ATG10: variants seen among roughly 807,000 people sequenced by gnomAD.
ATG10 encodes the protein ubiquitin-like-conjugating enzyme ATG10.
Under a neutral mutation model 32.1 loss-of-function variants are expected in ATG10, and 30 were observed. The observed-to-expected ratio is 0.94, with a 90% CI of 0.70 to 1.27. The LOEUF (loss-of-function observed/expected upper bound fraction) is 1.27. Ranked by LOEUF, ATG10 falls within the 50% of genes most tolerant of loss-of-function variation. The pLI is 0.00. For missense variants in ATG10, 233 were observed against 262.3 expected, an observed-to-expected ratio of 0.89 and a Z score of 0.77; for synonymous variants, 87 against 91.5, an observed-to-expected ratio of 0.95 and a Z score of 0.28.
At chr5:82,053,546 T>G (rs933272556) in intron 2 of ATG10, among the ~76,000 whole-genome samples, 2 of 152,186 alleles carry the variant, frequency 1.3e-5, no homozygotes, top group Non-Finnish European at 2.9e-5. Flanking sequence ...TGTTCTCCTA[T>G]ATTTTCATCT....
chr5:82,239,393 A>C (rs1449153111), intron 5 of ATG10, among the ~76,000 whole-genome samples: 3 of 152,204 alleles, frequency 2.0e-5, no homozygotes, highest in African/African-American at 7.2e-5. Context: ...GAAAATAGTA[A>C]TCAGAATACT....
chr5:82,218,301 T>C (rs369759641), intron 5 of ATG10, among the ~76,000 whole-genome samples: 56 of 152,372 alleles, frequency 3.7e-4, no homozygotes, highest in African/African-American at 1.3e-3. Context: ...CTGCTACAGA[T>C]TCAAAATGCT....
intron 2 of ATG10, among the ~76,000 whole-genome samples, chr5:82,001,185 A>G (rs980282626): frequency 6.6e-6 from 1 of 152,240 alleles, no homozygotes; most frequent in African/African-American, 2.4e-5. Context: ...AAGAAATAAC[A>G]TTGTTAAAAT....
At chr5:82,172,074 A>G (rs1457640622) in intron 4 of ATG10, among the ~76,000 whole-genome samples, 1 of 152,212 alleles carries the variant, frequency 6.6e-6, no homozygotes, top group East Asian at 1.9e-4. Flanking sequence ...TTGGCTGGAC[A>G]TGGGATTTGT....
intron 3 of ATG10, among the ~76,000 whole-genome samples, chr5:82,086,018 G>A (rs929084935): frequency 6.6e-6 from 1 of 152,090 alleles, no homozygotes; most frequent in Non-Finnish European, 1.5e-5. Context: ...AAACATGTCA[G>A]TAGATGTCAA....
At chr5:82,225,756 C>T (rs1746107457) in intron 5 of ATG10, among the ~76,000 whole-genome samples, 2 of 152,042 alleles carry the variant, frequency 1.3e-5, no homozygotes, top group African/African-American at 2.4e-5. Flanking sequence ...GGCTCTCTGG[C>T]GGTCTCTGGT....
At chr5:82,021,892 G>A (rs1292526443) in intron 2 of ATG10, among the ~76,000 whole-genome samples, 1 of 151,844 alleles carries the variant, frequency 6.6e-6, no homozygotes, top group East Asian at 1.9e-4. Flanking sequence ...GCGTGGTGGC[G>A]GGCACCTGTA....
intron 3 of ATG10, among the ~76,000 whole-genome samples, chr5:82,121,810 G>A (rs1353388988): frequency 6.6e-6 from 1 of 152,094 alleles, no homozygotes; most frequent in East Asian, 1.9e-4. Context: ...CGGGGATAAA[G>A]CCTACTTGAT....
At chr5:82,074,484 A>AT (rs1764216768) in intron 3 of ATG10, among the ~76,000 whole-genome samples, 1 of 152,044 alleles carries the variant, frequency 6.6e-6, no homozygotes, top group African/African-American at 2.4e-5. Flanking sequence ...CTGAAAGGAC[A>AT]TTTTTTGGTT....
intron 2 of ATG10, among the ~76,000 whole-genome samples, chr5:82,006,354 CA>C (rs1242069114): frequency 1.3e-5 from 2 of 152,068 alleles, no homozygotes; most frequent in Non-Finnish European, 2.9e-5. Context: ...TTCAAGCATA[CA>C]AAAGTAAAGA....
chr5:82,242,987 A>G, intron 5 of ATG10: 1 of 330,030 alleles, frequency 3.0e-6, no homozygotes, highest in South Asian at 2.5e-5. Flanking sequence ...TACAGCGGAA[A>G]TACTAGACAA....
rs1021944416 is a variant in ATG10, at chr5:82,255,488, T to C, written c.*1425T>C. On this transcript the variant is annotated 3_prime_UTR_variant, in exon 8 of 8. Transcript: ENST00000282185. ...TCATTGGCTTTTTAGAGAGTCTAGA[T>C]TAGTGTGTCTTTGAATGAGGGATAT... is the stretch of plus-strand genomic sequence containing the variant. 1.3e-5 allele frequency: 2 copies of C among 152,124 alleles called. No individual in the cohort carries two copies. The highest frequency in any genetic ancestry group is 2.9e-5 in the Non-Finnish European group (2 of 68,028). The allele number at this position is 152,124 out of a possible 1,614,324, so 9.4% of individuals were successfully genotyped here. A position where few individuals can be genotyped will look rare whatever the true frequency, so the allele number is the denominator to read the frequency against.
At position 81,987,545 on chromosome 5, in the gene ATG10, T is replaced by C; in HGVS notation, c.-12-14T>C. On this transcript the variant is annotated splice_polypyrimidine_tract_variant and intron_variant, in intron 1 of 7. Coordinates refer to ENST00000282185, the MANE Select transcript of ATG10 (RefSeq NM_031482.5). ...TTCTAAAGTTGATGCTAATACTTAG[T>C]TTTTGTATTGCAGTTATCATTTAAC... is the stretch of plus-strand genomic sequence containing the variant. 5 of 1,488,846 alleles carry C rather than the reference T, an allele frequency of 3.4e-6. No individual in the cohort carries two copies. Among genetic ancestry groups the C allele is most frequent in the Non-Finnish European group, 4.6e-6 (5 of 1,079,186 alleles). 92.2% of individuals were successfully genotyped at this position (1,488,846 alleles called of 1,614,324 possible).
chr5:82,215,726 G>A (rs1468559248), intron 5 of ATG10, among the ~76,000 whole-genome samples: 3 of 151,654 alleles, frequency 2.0e-5, no homozygotes, highest in African/African-American at 4.8e-5. Context: ...ACCTGAGGTC[G>A]GGAGTTCGAG....
chr5:82,188,848 CACCAT>C (rs1744553441), intron 5 of ATG10, among the ~76,000 whole-genome samples: 1 of 152,022 alleles, frequency 6.6e-6, no homozygotes, highest in African/African-American at 2.4e-5. Flanking sequence ...CACATAATTC[CACCAT>C]GCAGTTATTG....
At chr5:82,132,285 A>G (rs995379253) in intron 3 of ATG10, among the ~76,000 whole-genome samples, 3 of 152,018 alleles carry the variant, frequency 2.0e-5, no homozygotes, top group African/African-American at 4.8e-5. Flanking sequence ...GTTCCGGGAT[A>G]CATGTGCAGA....
intron 3 of ATG10, among the ~76,000 whole-genome samples, chr5:82,139,942 G>T (rs1581732979): frequency 7.4e-6 from 1 of 135,608 alleles, no homozygotes; most frequent in South Asian, 2.4e-4. Context: ...GGGAGGTGGG[G>T]GGGTCAGCCC....
chr5:82,021,650 G>A (rs4703534), intron 2 of ATG10, among the ~76,000 whole-genome samples: 149,936 of 152,210 alleles, frequency 0.99, 73,878 homozygotes, highest in Middle Eastern at 1. Context: ...TGGGAAGCTG[G>A]GGCGGGTGGA....
chr5:82,255,947 A>G lies in ATG10; in HGVS notation c.*1884A>G, dbSNP rs1747443829. 6.6e-6 allele frequency: 1 copy of G among 152,238 alleles called. No individual in the cohort carries two copies. Among genetic ancestry groups the G allele is most frequent in the Non-Finnish European group, 1.5e-5 (1 of 68,038 alleles). The allele number at this position is 152,238 out of a possible 1,614,324, so 9.4% of individuals were successfully genotyped here. ...TAAATTTTAAAATGCTGAGCTGCCC[A>G]TATTCATGCTAGGATGAGAGCCGGC... On this transcript the variant is annotated 3_prime_UTR_variant, in exon 8 of 8. Coordinates refer to ENST00000282185, the MANE Select transcript of ATG10 (RefSeq NM_031482.5).
Sources: allele counts gnomAD v4.1 joint callset (sites outside exome capture counted in the v4.1 genomes callset), GRCh38; gene constraint gnomAD v4.1.1; transcripts MANE v1.5; gene names NCBI Gene and HGNC (gene_info 2026-07-23, HGNC 2026-07-21).